Variants in CD226 observed in about 807,000 individuals in gnomAD.
The protein encoded by CD226 is CD226 antigen.
In CD226, 24 loss-of-function variants were observed where a neutral mutation model predicts 34.9. That is an observed-to-expected ratio of 0.69 (90% CI 0.50 to 0.97). CD226 has a LOEUF of 0.97. CD226 is among the 50% of genes least tolerant of loss of function. CD226 has a pLI of 0.00. For synonymous variants in CD226, 148 were observed against 147.4 expected (o/e 1.00, Z -0.03); for missense variants, 397 against 412.7 (o/e 0.96, Z 0.33).
intron 2 of CD226, among the ~76,000 whole-genome samples, chr18:69,910,276 G>A (rs969732051): frequency 3.3e-5 from 5 of 152,170 alleles, no homozygotes; most frequent in African/African-American, 1.2e-4. Context: ...ACTTCACAGT[G>A]GGAAAACGTG....
chr18:69,924,225 T>A (rs1040320780), intron 2 of CD226, among the ~76,000 whole-genome samples: 4 of 152,052 alleles, frequency 2.6e-5, no homozygotes, highest in African/African-American at 9.7e-5. Context: ...ATTATCTGCA[T>A]CGTATCTTGA....
At chr18:69,891,321 G>A (rs1453017278) in intron 3 of CD226, among the ~76,000 whole-genome samples, 1 of 150,902 alleles carries the variant, frequency 6.6e-6, no homozygotes. Flanking sequence ...ATTAGGTACA[G>A]AAAGAATTTA....
intron 2 of CD226, among the ~76,000 whole-genome samples, chr18:69,900,869 T>A (rs530831490): frequency 4.6e-5 from 7 of 152,276 alleles, no homozygotes; most frequent in Non-Finnish European, 8.8e-5. Context: ...GAGATTTACA[T>A]CTATAATAAC....
At chr18:69,875,905 T>A (rs989098756) in intron 3 of CD226, among the ~76,000 whole-genome samples, 5 of 151,960 alleles carry the variant, frequency 3.3e-5, no homozygotes, top group African/African-American at 1.2e-4. Context: ...TGCCAGGAGG[T>A]GGGAGGGCAG....
chr18:69,892,443 C>T (rs113127537), intron 3 of CD226, among the ~76,000 whole-genome samples: 57 of 152,296 alleles, frequency 3.7e-4, no homozygotes, highest in East Asian at 2.3e-3. Flanking sequence ...GTGCTCCCCC[C>T]GTCCCCACTT....
At chr18:69,922,147 T>G (rs370579762) in intron 2 of CD226, among the ~76,000 whole-genome samples, 1 of 152,202 alleles carries the variant, frequency 6.6e-6, no homozygotes, top group Admixed American at 6.5e-5. Context: ...GCAAATGTAT[T>G]GCAAATGTTT....
intron 2 of CD226, among the ~76,000 whole-genome samples, chr18:69,910,038 T>C (rs1407940352): frequency 6.6e-6 from 1 of 152,366 alleles, no homozygotes; most frequent in East Asian, 1.9e-4. Context: ...GTGTGTGCTC[T>C]GAATGAGAGT....
At chr18:69,935,335 G>A (rs1310280513) in intron 2 of CD226, among the ~76,000 whole-genome samples, 1 of 152,178 alleles carries the variant, frequency 6.6e-6, no homozygotes, top group Non-Finnish European at 1.5e-5. Flanking sequence ...AATCCTATAA[G>A]GAAGTTTCCC....
At chr18:69,942,883 C>T (rs1270974008) in intron 2 of CD226, among the ~76,000 whole-genome samples, 1 of 152,198 alleles carries the variant, frequency 6.6e-6, no homozygotes, top group Non-Finnish European at 1.5e-5. Context: ...ACACCCTTCC[C>T]TCTCTGTCTT....
In CD226 at chr18:69,947,663, A is replaced by G. The variant is rs1005015357; in HGVS notation, c.-257T>C. ...TATTTTCGGGCTTTCATTTTCTACAAGGAGTCATTCATTCAACAAACATGT... is the reference window on the plus strand; with the variant it reads ...TATTTTCGGGCTTTCATTTTCTACAGGGAGTCATTCATTCAACAAACATGT... On this transcript the variant is annotated 5_prime_UTR_variant, in exon 1 of 6. Coordinates refer to ENST00000582621, the MANE Select transcript of CD226 (RefSeq NM_001303618.2). 5.8e-6 allele frequency: 2 copies of G among 346,034 alleles called. No individual in the cohort carries two copies. The highest frequency in any genetic ancestry group is 4.7e-5 in the Admixed American group (1 of 21,190). 21.4% of individuals were successfully genotyped at this position (346,034 alleles called of 1,614,324 possible). A position where few individuals can be genotyped will look rare whatever the true frequency, so the allele number is the denominator to read the frequency against.
At chr18:69,865,298 G>C (rs542331977) in intron 5 of CD226, among the ~76,000 whole-genome samples, 2 of 152,086 alleles carry the variant, frequency 1.3e-5, no homozygotes, top group Non-Finnish European at 2.9e-5. Context: ...CCAGATGTTA[G>C]TGTTTTTAAG....
rs1000658833 is a variant in CD226, at chr18:69,860,416, C to T, written c.*3898G>A. 6 of 152,192 alleles carry T rather than the reference C, an allele frequency of 3.9e-5. No homozygotes were observed. The highest frequency in any genetic ancestry group is 1.2e-4 in the African/African-American group (5 of 41,450). 9.4% of individuals were successfully genotyped at this position (152,192 alleles called of 1,614,324 possible). ...CGAAATAAACCAGAATTATCCCAGA[C>T]ATTTATTACTCATACTTCCAAATGG... On this transcript the variant is annotated 3_prime_UTR_variant, in exon 6 of 6. Transcript: ENST00000582621.
At chr18:69,899,510 G>C (rs1985482925) in intron 2 of CD226, among the ~76,000 whole-genome samples, 1 of 152,112 alleles carries the variant, frequency 6.6e-6, no homozygotes, top group African/African-American at 2.4e-5. Flanking sequence ...AAGAATGGGA[G>C]GAAATATTTG....
In CD226 at chr18:69,895,734, C is replaced by T. The variant is rs1358404350; in HGVS notation, c.694G>A (p.Glu232Lys). 6.2e-6 allele frequency: 10 copies of T among 1,613,858 alleles called. No homozygotes were observed. The highest frequency in any genetic ancestry group is 1.1e-5 in the South Asian group (1 of 91,062). ...CYLQASAGEN[E>K]TFVMRLTVAE... ...ACAGTCAATCTCATCACGAAGGTTT[C>T]GTTTTCTCCTGCGCTGGCCTGCAAG... is the stretch of plus-strand genomic sequence containing the variant. Residue 232 changes from glutamate to lysine, a missense_variant, in exon 3 of 6, where the codon GAA becomes AAA. Coordinates refer to ENST00000582621, the MANE Select transcript of CD226 (RefSeq NM_001303618.2).
intron 2 of CD226, among the ~76,000 whole-genome samples, chr18:69,918,511 T>C (rs1377625272): frequency 6.6e-6 from 1 of 152,186 alleles, no homozygotes; most frequent in African/African-American, 2.4e-5. Flanking sequence ...TGAGCCGAGA[T>C]TGTGCCATTG....
chr18:69,895,624 T>C, intron 3 of CD226, 77 bp downstream of exon 3: 2 of 1,034,634 alleles, frequency 1.9e-6, no homozygotes, highest in Non-Finnish European at 2.9e-6. Flanking sequence ...ATGTTTACCA[T>C]AAATAAAAAC....
intron 2 of CD226, among the ~76,000 whole-genome samples, chr18:69,912,456 A>G (rs971146816): frequency 3.9e-5 from 6 of 152,170 alleles, no homozygotes; most frequent in African/African-American, 9.7e-5. Context: ...TTATATCCAC[A>G]TATCTTTTCC....
At chr18:69,886,916 C>T (rs1342282626) in intron 3 of CD226, among the ~76,000 whole-genome samples, 1 of 152,008 alleles carries the variant, frequency 6.6e-6, no homozygotes, top group Non-Finnish European at 1.5e-5. Context: ...GAAAAAAATT[C>T]CCTAAGTGCT....
chr18:69,895,814 C>T lies in CD226; in HGVS notation c.614G>A (p.Ser205Asn). ...IVSNCSHGRW[S>N]VIVIPDVTVS... Reference sequence around the variant, plus strand: ...TGTGACATCGGGGATGACGATGACGCTCCACCTTCCGTGGCTGCAGTTGCT... The same window carrying T: ...TGTGACATCGGGGATGACGATGACGTTCCACCTTCCGTGGCTGCAGTTGCT... The change falls in exon 3 of 6, where the codon AGC (serine) becomes AAC (asparagine). Residue 205 changes from serine (S) to asparagine (N), a missense_variant. Ser to Asn is a conservative substitution (Grantham distance 46). Coordinates refer to ENST00000582621, the MANE Select transcript of CD226 (RefSeq NM_001303618.2). The T allele has an allele frequency of 6.2e-7, 1 of 1,614,196 alleles. No homozygotes were observed. The highest frequency in any genetic ancestry group is 1.1e-5 in the South Asian group (1 of 91,074).
Sources: allele counts gnomAD v4.1 joint callset (sites outside exome capture counted in the v4.1 genomes callset), GRCh38; gene constraint gnomAD v4.1.1; transcripts MANE v1.5; gene names NCBI Gene and HGNC (gene_info 2026-07-23, HGNC 2026-07-21).